CEP290: variants seen among roughly 807,000 people sequenced by gnomAD.
CEP290 encodes the protein centrosomal protein of 290 kDa.
In CEP290, 317 loss-of-function variants were observed where a neutral mutation model predicts 344.9. That is an observed-to-expected ratio of 0.92 (90% CI 0.84 to 1.01). The LOEUF is 1.01. Among genes scored for constraint, CEP290 ranks in the 50% least tolerant of loss-of-function variants. The pLI is 0.00. For synonymous variants in CEP290, 932 were observed against 895.8 expected, an observed-to-expected ratio of 1.04 and a Z score of -0.72; for missense variants, 2,754 against 2,761.4, an observed-to-expected ratio of 1.00 and a Z score of 0.06.
Position 88,064,131 on chromosome 12 carries a change from AT to A in CEP290, c.6136-17del. 1 of 1,521,398 alleles carries A rather than the reference AT, an allele frequency of 6.6e-7. No individual in the cohort carries two copies. The highest frequency in any genetic ancestry group is 8.8e-7 in the Non-Finnish European group (1 of 1,133,924). 94.2% of individuals were successfully genotyped at this position (1,521,398 alleles called of 1,614,324 possible). A position where few individuals can be genotyped will look rare whatever the true frequency, so the allele number is the denominator to read the frequency against. On this transcript the variant is annotated splice_polypyrimidine_tract_variant and intron_variant, in intron 44 of 53. Coordinates refer to ENST00000552810, the MANE Select transcript of CEP290 (RefSeq NM_025114.4). ...TTCCTGAAATCTTCAGGGAAATGAA[AT>A]TAGGAATATTTTTAAAGTTTAATAA...
At chr12:88,060,053 C>T (rs753883649) in intron 47 of CEP290, 33 bp from the exon 48 acceptor site, 3 of 1,449,914 alleles carry the variant, frequency 2.1e-6, no homozygotes, top group African/African-American at 1.4e-5. Flanking sequence ...AAAAAGTATA[C>T]ATTATCAAAA....
intron 27 of CEP290, among the ~76,000 whole-genome samples, chr12:88,095,427 A>C (rs1388244932): frequency 6.6e-6 from 1 of 152,208 alleles, no homozygotes; most frequent in Non-Finnish European, 1.5e-5. Context: ...AAAGAGATCA[A>C]GATATGTAAA....
At chr12:88,084,095 T>C in intron 35 of CEP290, 141 bp from the exon 36 acceptor site, 1 of 595,400 alleles carries the variant, frequency 1.7e-6, no homozygotes, top group Non-Finnish European at 2.9e-6. Context: ...TATGTATGTA[T>C]CTAGACTGGT....
chr12:88,108,612 A>G (rs1253530404), intron 23 of CEP290, among the ~76,000 whole-genome samples: 1 of 152,248 alleles, frequency 6.6e-6, no homozygotes, highest in Non-Finnish European at 1.5e-5. Flanking sequence ...CCCTATAAAC[A>G]TATATGAACA....
chr12:88,070,599 G>T (rs1162030130), intron 43 of CEP290, among the ~76,000 whole-genome samples: 1 of 152,060 alleles, frequency 6.6e-6, no homozygotes, highest in Non-Finnish European at 1.5e-5. Context: ...ATCTCCAATT[G>T]GTAGAGCTAT....
At chr12:88,099,058 T>G (rs927735005) in intron 26 of CEP290, among the ~76,000 whole-genome samples, 1 of 152,172 alleles carries the variant, frequency 6.6e-6, no homozygotes, top group African/African-American at 2.4e-5. Flanking sequence ...CTGGCTGCAC[T>G]GTGGAGAATA....
chr12:88,106,701 T>G lies in CEP290; in HGVS notation c.2791A>C (p.Lys931Gln). 1 of 1,608,452 alleles carries G rather than the reference T, an allele frequency of 6.2e-7. No individual in the cohort carries two copies. Among genetic ancestry groups the G allele is most frequent in the Non-Finnish European group, 8.5e-7 (1 of 1,178,238 alleles). Residue 931 changes from lysine to glutamine, a missense_variant, in exon 25 of 54, where the codon AAA becomes CAA. Physicochemically the swap from Lys to Gln is moderately conservative, Grantham distance 53. Transcript: ENST00000552810. ...TTAAATCTTTGCAAACACCCAATTT[T>G]TTCACAAACTTCAGCCTCCATTGAC... Reference protein sequence around the residue: ...LLSMEAEVCEKIGCLQRFKEM... With the variant: ...LLSMEAEVCEQIGCLQRFKEM...
At position 88,089,367 on chromosome 12, in the gene CEP290, C is replaced by A; in HGVS notation, c.3694G>T (p.Glu1232Ter). The stretch of plus-strand genomic sequence containing the variant: ...TGCTCTAAGCGCAAGTTGTAGGCCT[C>A]CATCTTCTGCAGTTTAGATGTAATT... The part of the protein sequence containing the change: ...ESITSKLQKM[E>*]AYNLRLEQKL... Residue 1232 changes from glutamate (E) to a stop codon, truncating the protein, a stop_gained, in exon 31 of 54, where the codon GAG becomes TAG. Transcript: ENST00000552810. LOFTEE classifies it high-confidence loss of function. 6.2e-7 allele frequency: 1 copy of A among 1,613,904 alleles called. No individual in the cohort carries two copies. The highest frequency in any genetic ancestry group is 8.5e-7 in the Non-Finnish European group (1 of 1,179,876).
chr12:88,068,482 CA>C (rs1352950383), intron 44 of CEP290, 39 bp downstream of exon 44: 4 of 1,296,560 alleles, frequency 3.1e-6, no homozygotes, highest in Non-Finnish European at 4.1e-6. Flanking sequence ...TGCATTTTAA[CA>C]TGGAAAAAAG....
intron 6 of CEP290, among the ~76,000 whole-genome samples, chr12:88,132,492 T>C (rs376438486): frequency 6.6e-6 from 1 of 152,198 alleles, no homozygotes; most frequent in East Asian, 1.9e-4. Context: ...AATTATATTG[T>C]GTTCATTGTA....
intron 48 of CEP290, among the ~76,000 whole-genome samples, 157 bp downstream of exon 48, chr12:88,059,741 T>G (rs908645872): frequency 6.6e-6 from 1 of 152,200 alleles, no homozygotes; most frequent in Non-Finnish European, 1.5e-5. Flanking sequence ...ATGTTTTTCA[T>G]GGTGGAATGT....
intron 46 of CEP290, 95 bp from the exon 47 acceptor site, chr12:88,061,089 C>G: frequency 1.2e-6 from 1 of 842,614 alleles, no homozygotes; most frequent in Admixed American, 4.0e-5. Flanking sequence ...TCAATAATTC[C>G]TAATATTTGA....
intron 5 of CEP290, among the ~76,000 whole-genome samples, chr12:88,137,505 T>C (rs1183573893): frequency 2.0e-5 from 3 of 152,348 alleles, no homozygotes; most frequent in South Asian, 2.1e-4. Flanking sequence ...GGTCATCTAA[T>C]GTGTCTCACA....
chr12:88,069,523 T>G (rs570378037), intron 43 of CEP290, among the ~76,000 whole-genome samples: 1 of 152,172 alleles, frequency 6.6e-6, no homozygotes, highest in African/African-American at 2.4e-5. Context: ...AGGGGAAATA[T>G]CCACTGCTGG....
At chr12:88,125,409 T>G in intron 12 of CEP290, 40 bp from the exon 13 acceptor site, 101 of 981,748 alleles carry the variant, frequency 1.0e-4, no homozygotes, top group Non-Finnish European at 1.3e-4. Flanking sequence ...CCTTCATGAA[T>G]ATTAACCTAA....
chr12:88,091,402 C>A (rs1166918144), intron 29 of CEP290, among the ~76,000 whole-genome samples: 28 of 138,902 alleles, frequency 2.0e-4, no homozygotes, highest in Non-Finnish European at 2.2e-4. Flanking sequence ...AATAAAATTA[C>A]AAAAAAAAAA....
intron 6 of CEP290, among the ~76,000 whole-genome samples, chr12:88,131,558 T>C (rs558620674): frequency 6.6e-6 from 1 of 152,242 alleles, no homozygotes; most frequent in South Asian, 2.1e-4. Flanking sequence ...CCACTGTGCC[T>C]GGCCATCAGC....
chr12:88,051,194 CTTTTTTTTTTT>C (rs11321423), intron 52 of CEP290, among the ~76,000 whole-genome samples: 3 of 86,432 alleles, frequency 3.5e-5, no homozygotes, highest in African/African-American at 7.9e-5. Context: ...GGACAAGTAT[CTTTTTTTTTTT>C]TTTTTTTTTT....
chr12:88,092,912 G>A (rs1158919764), intron 28 of CEP290, 80 bp from the exon 29 acceptor site: 3 of 1,310,142 alleles, frequency 2.3e-6, no homozygotes, highest in Non-Finnish European at 3.2e-6. Flanking sequence ...TTAAAGTACT[G>A]CAATCCTCTT....
Sources: allele counts gnomAD v4.1 joint callset (sites outside exome capture counted in the v4.1 genomes callset), GRCh38; gene constraint gnomAD v4.1.1; transcripts MANE v1.5; gene names NCBI Gene and HGNC (gene_info 2026-07-23, HGNC 2026-07-21).